The following RAD51B variants were observed in gnomAD, a reference collection of about 807,000 sequenced individuals.
RAD51B encodes RAD51 paralog B.
Under a neutral mutation model 42.2 loss-of-function variants are expected in RAD51B, and 38 were observed. The ratio of observed to expected loss-of-function variants is 0.90; its 90% CI spans 0.70 to 1.18. The LOEUF (loss-of-function observed/expected upper bound fraction) is 1.18, where lower values mean the gene tolerates loss of function less well. RAD51B is among the 50% of genes most tolerant of loss of function. RAD51B has a pLI of 0.00. For synonymous variants in RAD51B, 154 were observed against 145.2 expected (o/e 1.06, Z -0.43); for missense variants, 373 against 400.7 (o/e 0.93, Z 0.59).
At chr14:68,647,952 C>G (rs969664136) in intron 10 of RAD51B, among the ~76,000 whole-genome samples, 1 of 150,064 alleles carries the variant, frequency 6.7e-6, no homozygotes, top group Non-Finnish European at 1.5e-5. Flanking sequence ...GCTGGGATTA[C>G]AGGCATGAGC....
At chr14:68,638,469 G>T (rs1337751545) in intron 10 of RAD51B, among the ~76,000 whole-genome samples, 2 of 152,152 alleles carry the variant, frequency 1.3e-5, no homozygotes, top group African/African-American at 2.4e-5. Flanking sequence ...AGATGGAAAA[G>T]GTCACACAGT....
At chr14:68,366,727 T>C (rs1270571996) in intron 8 of RAD51B, among the ~76,000 whole-genome samples, 1 of 152,238 alleles carries the variant, frequency 6.6e-6, no homozygotes, top group Non-Finnish European at 1.5e-5. Flanking sequence ...AACAGGCTTG[T>C]TGTCCCACAC....
At chr14:67,950,709 T>G (rs1453528621) in intron 7 of RAD51B, among the ~76,000 whole-genome samples, 3 of 152,210 alleles carry the variant, frequency 2.0e-5, no homozygotes, top group Non-Finnish European at 4.4e-5. Flanking sequence ...TCTTCCTCAT[T>G]AATCTTAATT....
chr14:68,605,230 G>A (rs76336549), intron 10 of RAD51B, among the ~76,000 whole-genome samples: 2,736 of 150,792 alleles, frequency 0.018, 71 homozygotes, highest in African/African-American at 0.06. Flanking sequence ...CTGAGGGAGA[G>A]CCTGTGTTAT....
At chr14:68,615,110 A>C (rs1257917634), downstream of RAD51B, among the ~76,000 whole-genome samples, 1 of 152,148 alleles carries the variant, frequency 6.6e-6, no homozygotes, top group Non-Finnish European at 1.5e-5. Context: ...TGACCTTGTG[A>C]TCCACCCGCC....
At chr14:68,503,866 G>A (rs1433509191) in intron 10 of RAD51B, among the ~76,000 whole-genome samples, 1 of 152,204 alleles carries the variant, frequency 6.6e-6, no homozygotes, top group Non-Finnish European at 1.5e-5. Context: ...GCTCTGAGGT[G>A]CAAGGAGGAC....
intron 8 of RAD51B, among the ~76,000 whole-genome samples, chr14:68,297,840 T>C (rs1464596352): frequency 2.0e-5 from 3 of 152,344 alleles, no homozygotes; most frequent in African/African-American, 4.8e-5. Flanking sequence ...TGAGAGCTGG[T>C]GTGCTGGGAA....
chr14:67,992,409 G>A (rs761161656), intron 7 of RAD51B, among the ~76,000 whole-genome samples: 2 of 152,196 alleles, frequency 1.3e-5, no homozygotes, highest in Non-Finnish European at 2.9e-5. Flanking sequence ...AATAGACTGT[G>A]CTGGGAGTTA....
At chr14:68,572,653 A>G (rs1003952849) in intron 10 of RAD51B, among the ~76,000 whole-genome samples, 83 of 152,110 alleles carry the variant, frequency 5.5e-4, no homozygotes, top group African/African-American at 2.0e-3. Context: ...CTGATCCCAG[A>G]CTATCCACTC....
chr14:68,444,440 T>TTG (rs3837661), intron 9 of RAD51B, among the ~76,000 whole-genome samples: 1,631 of 150,250 alleles, frequency 0.011, 26 homozygotes, highest in African/African-American at 0.028. Context: ...GAATTGTGAA[T>TTG]TGTGTGTGTG....
intron 7 of RAD51B, 189 bp downstream of exon 7, chr14:67,887,393 T>C: frequency 2.3e-6 from 1 of 441,234 alleles, no homozygotes; most frequent in Non-Finnish European, 4.0e-6. Flanking sequence ...CTGCTGAGAT[T>C]ATTTTATTAT....
At chr14:68,517,298 G>A (rs1259613838) in intron 10 of RAD51B, among the ~76,000 whole-genome samples, 1 of 152,068 alleles carries the variant, frequency 6.6e-6, no homozygotes, top group Admixed American at 6.5e-5. Context: ...GAGAGAAAAA[G>A]TACCTTTTGG....
At chr14:68,223,001 A>G (rs894487346) in intron 7 of RAD51B, among the ~76,000 whole-genome samples, 1 of 152,088 alleles carries the variant, frequency 6.6e-6, no homozygotes, top group African/African-American at 2.4e-5. Context: ...CACGTGTCCA[A>G]GTGTCTGCTG....
chr14:67,936,375 C>A (rs1595133586), intron 7 of RAD51B, among the ~76,000 whole-genome samples: 1 of 152,172 alleles, frequency 6.6e-6, no homozygotes, highest in African/African-American at 2.4e-5. Context: ...TGGCTTCTTT[C>A]ATATAGCATA....
chr14:68,371,748 G>A (rs2083270620), intron 8 of RAD51B, among the ~76,000 whole-genome samples: 1 of 150,118 alleles, frequency 6.7e-6, no homozygotes, highest in Admixed American at 6.6e-5. Context: ...CTACTTGGGG[G>A]GCTGAGGTGG....
At chr14:68,000,525 C>A (rs781225152) in intron 7 of RAD51B, among the ~76,000 whole-genome samples, 27 of 152,232 alleles carry the variant, frequency 1.8e-4, no homozygotes, top group Non-Finnish European at 2.9e-4. Flanking sequence ...TATTTTATTT[C>A]ATTGAGGTTA....
At chr14:68,540,166 CTTTTTT>C (rs11321834) in intron 10 of RAD51B, 239 of 586,910 alleles carry the variant, frequency 4.1e-4, no homozygotes, top group Non-Finnish European at 4.5e-4. Context: ...TACCCTGCTC[CTTTTTT>C]TTTTTTTTTT....
intron 7 of RAD51B, among the ~76,000 whole-genome samples, chr14:68,083,578 C>T (rs10139236): frequency 0.23 from 34,743 of 151,880 alleles, 4,655 homozygotes; most frequent in African/African-American, 0.37. Flanking sequence ...TACTTAAAAA[C>T]GTGATATCTA....
intron 7 of RAD51B, among the ~76,000 whole-genome samples, chr14:67,981,060 A>G (rs2075083272): frequency 6.6e-6 from 1 of 152,230 alleles, no homozygotes; most frequent in South Asian, 2.1e-4. Context: ...AACAAAAGGT[A>G]GACATCGGAT....
Sources: allele counts gnomAD v4.1 joint callset (sites outside exome capture counted in the v4.1 genomes callset), GRCh38; gene constraint gnomAD v4.1.1; transcripts MANE v1.5; gene names NCBI Gene and HGNC (gene_info 2026-07-23, HGNC 2026-07-21).